Variants in L3MBTL4 observed in about 807,000 individuals in gnomAD.
L3MBTL4 encodes the protein lethal(3)malignant brain tumor-like protein 4.
Under a neutral mutation model 84.5 loss-of-function variants are expected in L3MBTL4, and 70 were observed. That is an observed-to-expected ratio of 0.83 (90% CI 0.68 to 1.01). L3MBTL4 has a LOEUF of 1.01. Ranked by LOEUF, L3MBTL4 falls within the 50% of genes least tolerant of loss-of-function variation. The probability of loss-of-function intolerance (pLI) is 0.00; values close to 1 mark genes in which losing one functional copy is unlikely to be tolerated. For synonymous variants in L3MBTL4, 274 were observed against 259.8 expected (o/e 1.05, Z -0.52); for missense variants, 715 against 754.8 (o/e 0.95, Z 0.62).
At chr18:6,116,122 A>G (rs1411780369) in intron 14 of L3MBTL4, among the ~76,000 whole-genome samples, 1 of 152,170 alleles carries the variant, frequency 6.6e-6, no homozygotes, top group African/African-American at 2.4e-5. Context: ...TGGTAGTGAA[A>G]CTGGAGCAAA....
intron 16 of L3MBTL4, among the ~76,000 whole-genome samples, chr18:6,043,061 C>G (rs2145730863): frequency 6.6e-6 from 1 of 152,312 alleles, no homozygotes. Flanking sequence ...CTTAATACTT[C>G]CTGTCTCACA....
intron 10 of L3MBTL4, among the ~76,000 whole-genome samples, chr18:6,231,669 A>G (rs2047005105): frequency 6.6e-6 from 1 of 152,096 alleles, no homozygotes; most frequent in Non-Finnish European, 1.5e-5. Flanking sequence ...TGCTACTGCA[A>G]ATTGAGGTGT....
chr18:6,300,711 T>C (rs938616696), intron 4 of L3MBTL4, among the ~76,000 whole-genome samples: 1 of 152,128 alleles, frequency 6.6e-6, no homozygotes, highest in African/African-American at 2.4e-5. Context: ...CCTAAAACAA[T>C]TTACATTAGT....
At chr18:5,973,008 G>C (rs2052733171) in intron 16 of L3MBTL4, among the ~76,000 whole-genome samples, 1 of 152,130 alleles carries the variant, frequency 6.6e-6, no homozygotes, top group African/African-American at 2.4e-5. Flanking sequence ...ACCTCATTGA[G>C]TTGTGATTTG....
chr18:6,261,962 C>G (rs1487983858), intron 5 of L3MBTL4, among the ~76,000 whole-genome samples: 1 of 152,122 alleles, frequency 6.6e-6, no homozygotes, highest in Non-Finnish European at 1.5e-5. Flanking sequence ...TTAATTCTGG[C>G]GGCAGAGTGG....
At chr18:6,345,017 T>C (rs1484547431) in intron 1 of L3MBTL4, among the ~76,000 whole-genome samples, 3 of 151,646 alleles carry the variant, frequency 2.0e-5, no homozygotes, top group Non-Finnish European at 1.5e-5. Flanking sequence ...AAAAAAGGCA[T>C]CCAAGTCAGA....
chr18:6,012,422 A>G (rs9958306), intron 16 of L3MBTL4, among the ~76,000 whole-genome samples: 6,164 of 152,086 alleles, frequency 0.041, 462 homozygotes, highest in African/African-American at 0.14. Flanking sequence ...TTTTAAAAGC[A>G]TACACAAACA....
intron 4 of L3MBTL4, among the ~76,000 whole-genome samples, chr18:6,276,763 G>A (rs1599448785): frequency 6.6e-6 from 1 of 151,482 alleles, no homozygotes; most frequent in Admixed American, 6.6e-5. Flanking sequence ...ACAACAGTAA[G>A]TGTTAAGAAG....
chr18:6,232,319 G>A (rs188660607), intron 10 of L3MBTL4, among the ~76,000 whole-genome samples: 3 of 151,952 alleles, frequency 2.0e-5, no homozygotes, highest in African/African-American at 7.2e-5. Context: ...TTGCATCAGT[G>A]TTCCTGAAGA....
chr18:6,032,417 A>ACACAC, intron 16 of L3MBTL4: 3 of 381,546 alleles, frequency 7.9e-6, no homozygotes, highest in South Asian at 1.2e-4. Flanking sequence ...CACACACACA[A>ACACAC]TCTGCATCAA....
intron 14 of L3MBTL4, among the ~76,000 whole-genome samples, chr18:6,125,509 G>A (rs539723875): frequency 1.3e-5 from 2 of 152,188 alleles, no homozygotes; most frequent in East Asian, 3.9e-4. Flanking sequence ...GCTCACTGCA[G>A]CGTCAACCTC....
At position 5,997,101 on chromosome 18, in the gene L3MBTL4, T is replaced by C. The variant is rs574834939; in HGVS notation, c.1445-27539A>G. Among the ~76,000 whole-genome samples the C allele has an allele frequency of 6.5e-4, 97 of 148,202 alleles. 2 individuals carry two copies. Among genetic ancestry groups the C allele is most frequent in the South Asian group, 3.7e-3 (18 of 4,812 alleles). The stretch of plus-strand genomic sequence containing the variant: ...ATTACAATAGTAAAAACACTACAAG[T>C]AAAAAAGCAATTAAGTATTAATATA... On this transcript the variant is annotated intron_variant, in intron 16 of 18. Coordinates refer to ENST00000317931, the MANE Select transcript of L3MBTL4 (RefSeq NM_001330559.2).
intron 1 of L3MBTL4, among the ~76,000 whole-genome samples, chr18:6,363,005 T>C (rs1315791563): frequency 6.6e-6 from 1 of 152,208 alleles, no homozygotes; most frequent in Admixed American, 6.5e-5. Context: ...TAAAACACTT[T>C]TCCCATAGCT....
chr18:6,362,950 G>A (rs957640308), intron 1 of L3MBTL4, among the ~76,000 whole-genome samples: 3 of 152,240 alleles, frequency 2.0e-5, no homozygotes, highest in Non-Finnish European at 4.4e-5. Context: ...GATGCCCGCG[G>A]AAAGCACTCA....
chr18:6,274,824 C>T (rs1253302392), intron 4 of L3MBTL4, among the ~76,000 whole-genome samples: 1 of 152,114 alleles, frequency 6.6e-6, no homozygotes, highest in Non-Finnish European at 1.5e-5. Context: ...TCTCCCTTTC[C>T]CCATGCTGTG....
chr18:6,045,894 C>G (rs1374302844), intron 16 of L3MBTL4, among the ~76,000 whole-genome samples: 1 of 152,058 alleles, frequency 6.6e-6, no homozygotes, highest in African/African-American at 2.4e-5. Flanking sequence ...CAACATTAAC[C>G]CTGAATGCAA....
intron 1 of L3MBTL4, among the ~76,000 whole-genome samples, chr18:6,321,664 G>C (rs1599629948): frequency 6.6e-6 from 1 of 152,246 alleles, no homozygotes; most frequent in East Asian, 1.9e-4. Flanking sequence ...CCATCGTTCA[G>C]TGGGTGAATA....
rs78345411 is a variant in L3MBTL4, at chr18:6,082,772, G to A, written c.1374-1821C>T. Among the ~76,000 whole-genome samples the A allele has an allele frequency of 4.6e-3, 703 of 152,086 alleles. 7 individuals are homozygous for A. The highest frequency in any genetic ancestry group is 0.016 in the African/African-American group (663 of 41,468). On this transcript the variant is annotated intron_variant, in intron 15 of 18. Coordinates refer to ENST00000317931, the MANE Select transcript of L3MBTL4 (RefSeq NM_001330559.2). The stretch of plus-strand genomic sequence containing the variant: ...GTTGGGTGCTTTTTAAAAATAATGC[G>A]GAGTTCTTCAATTGATCATGGGTAT...
intron 16 of L3MBTL4, among the ~76,000 whole-genome samples, chr18:5,981,254 T>G (rs951801787): frequency 2.6e-5 from 4 of 152,196 alleles, no homozygotes; most frequent in Non-Finnish European, 1.5e-5. Flanking sequence ...TCTTCTTTGT[T>G]ATGCAAGTAA....
Sources: allele counts gnomAD v4.1 joint callset (sites outside exome capture counted in the v4.1 genomes callset), GRCh38; gene constraint gnomAD v4.1.1; transcripts MANE v1.5; gene names NCBI Gene and HGNC (gene_info 2026-07-23, HGNC 2026-07-21).